GRAMD1C: variants seen among roughly 807,000 people sequenced by gnomAD.
GRAMD1C encodes the protein GRAM domain containing 1C.
A neutral mutation model predicts 97.8 loss-of-function variants in GRAMD1C; 89 were observed. The ratio of observed to expected loss-of-function variants is 0.91; its 90% confidence interval spans 0.77 to 1.09. The LOEUF (loss-of-function observed/expected upper bound fraction) is 1.09. Ranked by LOEUF, GRAMD1C falls within the 50% of genes least tolerant of loss-of-function variation. The pLI is 0.00. For missense variants in GRAMD1C, 740 were observed against 766.4 expected, an observed-to-expected ratio of 0.97 and a Z score of 0.41; for synonymous variants, 256 against 267.0, an observed-to-expected ratio of 0.96 and a Z score of 0.40.
intron 6 of GRAMD1C, among the ~76,000 whole-genome samples, chr3:113,894,075 T>A (rs1935840588): frequency 6.6e-6 from 1 of 152,146 alleles, no homozygotes; most frequent in Non-Finnish European, 1.5e-5. Flanking sequence ...GCCAAAGAAA[T>A]GTTATTTTCT....
chr3:113,833,835 CT>C (rs1224490293), upstream of GRAMD1C, among the ~76,000 whole-genome samples: 1 of 152,116 alleles, frequency 6.6e-6, no homozygotes, highest in Non-Finnish European at 1.5e-5. Flanking sequence ...CTCTTGCCAC[CT>C]TTTTTGTTGC....
At chr3:113,900,938 G>A (rs1282261560) in intron 6 of GRAMD1C, 93 bp from the exon 7 acceptor site, 1 of 694,116 alleles carries the variant, frequency 1.4e-6, no homozygotes, top group African/African-American at 1.8e-5. Context: ...TTGCACAACA[G>A]GTCATTTTTG....
intron 10 of GRAMD1C, 39 bp from the exon 11 acceptor site, chr3:113,930,675 G>A (rs1937380196): frequency 9.4e-7 from 1 of 1,064,840 alleles, no homozygotes; most frequent in East Asian, 2.4e-5. Flanking sequence ...TACTGTTTAA[G>A]TTTCTAGAAC....
At position 113,856,523 on chromosome 3, in the gene GRAMD1C, TTATG is replaced by T. The variant is rs10660348; in HGVS notation, c.174+11894_174+11897del. ...CTGTTCTCCAGATTTATTTATTTCT[TTATG>T]TATGTATGTATGTATGTATTTATTT... On this transcript the variant is annotated intron_variant, in intron 2 of 17. Transcript: ENST00000358160. Among the ~76,000 whole-genome samples the T allele has an allele frequency of 1.3e-4, 19 of 150,924 alleles. No homozygotes were observed. In the East Asian group the frequency reaches 2.3e-3, roughly 19 times the overall value.
Position 113,939,917 on chromosome 3 carries a change from C to A in GRAMD1C, c.1723C>A (p.Leu575Met). The change falls in exon 16 of 18, where the codon CTG (leucine) becomes ATG (methionine). Residue 575 changes from leucine (L) to methionine (M), a missense_variant. Physicochemically the swap from Leu to Met is conservative, Grantham distance 15. Transcript: ENST00000358160. ...GTTATTAGTTTTGTTGAATGTGACACTGTTTCTGAAGCTGTCAAAGATAGA... is the reference window on the plus strand; with the variant it reads ...GTTATTAGTTTTGTTGAATGTGACAATGTTTCTGAAGCTGTCAAAGATAGA... ...VLLLVLLNVT[L>M]FLKLSKIEHA... 1 of 1,606,788 alleles carries A rather than the reference C, an allele frequency of 6.2e-7. No homozygotes were observed. The highest frequency in any genetic ancestry group is 8.5e-7 in the Non-Finnish European group (1 of 1,173,292).
At chr3:113,905,971 A>C (rs1442164891) in intron 8 of GRAMD1C, among the ~76,000 whole-genome samples, 2 of 152,198 alleles carry the variant, frequency 1.3e-5, no homozygotes, top group Non-Finnish European at 1.5e-5. Flanking sequence ...TGCTGGGATT[A>C]CAAGTGTCAG....
chr3:113,868,560 T>A (rs36098262), intron 2 of GRAMD1C, among the ~76,000 whole-genome samples: 44,375 of 152,096 alleles, frequency 0.29, 7,750 homozygotes, highest in Non-Finnish European at 0.38. Flanking sequence ...TTGTTGTTTT[T>A]ATTTTTAATG....
rs2107339057 is a variant in GRAMD1C at position 113,853,752 on chromosome 3, G to T, written c.174+9103G>T. Among the ~76,000 whole-genome samples, 4 of 152,316 alleles carry T rather than the reference G, an allele frequency of 2.6e-5. No individual in the cohort carries two copies. The South Asian group carries it at 8.3e-4, about 32-fold the overall frequency. ...TATGTCAGGTAGTGATAGAAGCTAT[G>T]AAGACAACAAAAGAATGTAAAGGTG... On this transcript the variant is annotated intron_variant, in intron 2 of 17. Coordinates refer to ENST00000358160, the MANE Select transcript of GRAMD1C (RefSeq NM_017577.5).
intron 7 of GRAMD1C, 122 bp downstream of exon 7, chr3:113,901,268 T>G (rs1266931117): frequency 1.6e-6 from 1 of 616,072 alleles, no homozygotes. Context: ...GCCCCTTTGT[T>G]CTTTGTGGTG....
chr3:113,933,598 T>C lies in GRAMD1C; in HGVS notation c.1297T>C (p.Tyr433His). 1.2e-6 allele frequency: 2 copies of C among 1,605,610 alleles called. No individual in the cohort carries two copies. Among genetic ancestry groups the C allele is most frequent in the East Asian group, 2.2e-5 (1 of 44,818 alleles). Reference protein sequence around the residue: ...THDVPYHDYFYTVNRYCIIRS... With the variant: ...THDVPYHDYFHTVNRYCIIRS... ...TGATGTCCCCTACCATGATTACTTC[T>C]ATACCGTGAACAGATACTGTATCAT... is the stretch of plus-strand genomic sequence containing the variant. The change falls in exon 12 of 18, where the codon TAT (tyrosine) becomes CAT (histidine). Residue 433 changes from tyrosine to histidine, a missense_variant. Coordinates refer to ENST00000358160, the MANE Select transcript of GRAMD1C (RefSeq NM_017577.5).
intron 14 of GRAMD1C, among the ~76,000 whole-genome samples, chr3:113,937,125 C>T (rs930107929): frequency 2.6e-5 from 4 of 152,168 alleles, no homozygotes; most frequent in Non-Finnish European, 4.4e-5. Context: ...TCAGGGCCAG[C>T]CCAGCAAAAT....
At chr3:113,887,638 G>A (rs749044615) in intron 6 of GRAMD1C, among the ~76,000 whole-genome samples, 80 of 150,392 alleles carry the variant, frequency 5.3e-4, no homozygotes, top group Non-Finnish European at 9.8e-4. Flanking sequence ...AACCCAGGAG[G>A]TGGAGCTTGC....
intron 6 of GRAMD1C, chr3:113,885,383 G>A (rs1935433769): frequency 2.5e-6 from 4 of 1,584,766 alleles, no homozygotes; most frequent in Non-Finnish European, 3.5e-6. Context: ...TACCTTTTGC[G>A]GGGGCAGATC....
rs756974813 is a variant in GRAMD1C, at chr3:113,875,579, G to C, written c.355G>C (p.Glu119Gln). 7.5e-7 allele frequency: 1 copy of C among 1,337,562 alleles called. No homozygotes were observed. The highest frequency in any genetic ancestry group is 2.3e-5 in the East Asian group (1 of 43,690). 82.9% of individuals were successfully genotyped at this position (1,337,562 alleles called of 1,614,324 possible). A position where few individuals can be genotyped will look rare whatever the true frequency, so the allele number is the denominator to read the frequency against. ...LCFYSNIFRW[E>Q]TTISIALKNI... Reference sequence around the variant, plus strand: ...TTTCTATAGCAACATCTTCAGATGGGAAACTACAGTAAGACATTTTGCATT... The same window carrying C: ...TTTCTATAGCAACATCTTCAGATGGCAAACTACAGTAAGACATTTTGCATT... Residue 119 changes from glutamate to glutamine, a missense_variant, in exon 4 of 18, where the codon GAA becomes CAA. Transcript: ENST00000358160.
chr3:113,838,245 T>C (rs1709670667), upstream of GRAMD1C, among the ~76,000 whole-genome samples: 1 of 152,174 alleles, frequency 6.6e-6, no homozygotes, highest in Non-Finnish European at 1.5e-5. Context: ...GTACAGCAGT[T>C]AATCAGTAAC....
intron 2 of GRAMD1C, among the ~76,000 whole-genome samples, chr3:113,851,133 A>G (rs940901865): frequency 2.0e-5 from 3 of 152,154 alleles, no homozygotes; most frequent in Non-Finnish European, 4.4e-5. Context: ...TTAGCTAATC[A>G]TTGTATTTTT....
At chr3:113,864,768 T>C (rs1266465263) in intron 2 of GRAMD1C, among the ~76,000 whole-genome samples, 3 of 152,210 alleles carry the variant, frequency 2.0e-5, no homozygotes, top group African/African-American at 4.8e-5. Context: ...CCTAATCTTC[T>C]TGTTTTCTAA....
intron 10 of GRAMD1C, among the ~76,000 whole-genome samples, chr3:113,925,430 C>A (rs910698627): frequency 1.4e-4 from 21 of 152,066 alleles, no homozygotes; most frequent in African/African-American, 4.6e-4. Context: ...TGAGATCATG[C>A]CACTGCACTC....
chr3:113,850,554 T>A (rs1933851450), intron 2 of GRAMD1C: 2 of 1,601,134 alleles, frequency 1.2e-6, no homozygotes, highest in Admixed American at 3.3e-5. Context: ...GGCAAACTGT[T>A]CCTTCACGTA....
Sources: gnomAD v4.1 joint callset for allele counts (sites outside exome capture counted in the v4.1 genomes callset) on GRCh38, gnomAD v4.1.1 for gene constraint, MANE v1.5 for transcripts, NCBI Gene and HGNC (gene_info 2026-07-23, HGNC 2026-07-21) for gene names.